The following FEN1 variants were observed in gnomAD, a reference collection of about 807,000 sequenced individuals.
FEN1 encodes flap endonuclease 1.
Under a neutral mutation model 24.7 loss-of-function variants are expected in FEN1, and 19 were observed. The observed-to-expected ratio is 0.77, with a 90% CI of 0.54 to 1.13. The LOEUF is 1.13. Ranked by LOEUF, FEN1 falls within the 50% of genes most tolerant of loss-of-function variation. The pLI is 0.00. For missense variants in FEN1, 339 were observed against 488.7 expected (o/e 0.69, Z 2.89); for synonymous variants, 155 against 189.2 (o/e 0.82, Z 1.48).
In FEN1 at chr11:61,795,288, C is replaced by G; in HGVS notation, c.-21-53C>G. The G allele has an allele frequency of 1.4e-6, 2 of 1,461,752 alleles. No individual in the cohort carries two copies. The highest frequency in any genetic ancestry group is 4.6e-5 in the East Asian group (2 of 43,464). 90.5% of individuals were successfully genotyped at this position (1,461,752 alleles called of 1,614,324 possible). A position where few individuals can be genotyped will look rare whatever the true frequency, so the allele number is the denominator to read the frequency against. ...AAGGCATGAAGTTGGTGAGATAACA[C>G]CAGTTATAACCTTTCTCCTTTCCTC... On this transcript the variant is annotated intron_variant, in intron 1 of 1. Coordinates refer to ENST00000305885, the MANE Select transcript of FEN1 (RefSeq NM_004111.6). This position sits in a 1 kb window ranked among gnomAD's most constrained non-coding sequence, Gnocchi z 4.1.
intron 1 of FEN1, chr11:61,793,272 T>G (rs1177910923): frequency 6.6e-6 from 1 of 152,556 alleles, no homozygotes; most frequent in African/African-American, 2.4e-5. Flanking sequence ...ACGAGAAACA[T>G]TTCTGACACT....
In FEN1 at chr11:61,797,026, G is replaced by C. The variant is rs2066824054; in HGVS notation, c.*522G>C. 1 of 171,372 alleles carries C rather than the reference G, an allele frequency of 5.8e-6. No individual in the cohort carries two copies. The highest frequency in any genetic ancestry group is 2.4e-5 in the African/African-American group (1 of 41,458). The allele number at this position is 171,372 out of a possible 1,614,324, so 10.6% of individuals were successfully genotyped here. On this transcript the variant is annotated 3_prime_UTR_variant, in exon 2 of 2. Transcript: ENST00000305885. ...AAAGCTGGAGCCCCTGGAGTTGGCTGTGTCTGTGTTTGTGACTGATTACTG... is the reference window on the plus strand; with the variant it reads ...AAAGCTGGAGCCCCTGGAGTTGGCTCTGTCTGTGTTTGTGACTGATTACTG...
chr11:61,796,551 TTG>T lies in FEN1; in HGVS notation c.*49_*50del. The T allele has an allele frequency of 1.3e-6, 2 of 1,513,926 alleles. No individual in the cohort carries two copies. Among genetic ancestry groups the T allele is most frequent in the Non-Finnish European group, 1.8e-6 (2 of 1,130,492 alleles). 93.8% of individuals were successfully genotyped at this position (1,513,926 alleles called of 1,614,324 possible). Reference sequence around the variant, plus strand: ...CCTTCACCCCAGAATATTTGCCGTCTTGTACCCTTAAGAGCTACAGCTAGAGA... The same window carrying T: ...CCTTCACCCCAGAATATTTGCCGTCTTACCCTTAAGAGCTACAGCTAGAGA... On this transcript the variant is annotated 3_prime_UTR_variant, in exon 2 of 2. Transcript: ENST00000305885.
Position 61,796,602 on chromosome 11 carries a change from A to T in FEN1, c.*98A>T. 7.5e-7 allele frequency: 1 copy of T among 1,334,514 alleles called. No homozygotes were observed. Among genetic ancestry groups the T allele is most frequent in the Non-Finnish European group, 1.0e-6 (1 of 993,758 alleles). The allele number at this position is 1,334,514 out of a possible 1,614,324, so 82.7% of individuals were successfully genotyped here. On this transcript the variant is annotated 3_prime_UTR_variant, in exon 2 of 2. Transcript: ENST00000305885. ...GAAACCTTCACGGGGTGGAGAGAGG[A>T]TTCTAAGGCTTTTCTAGCGTGACCC...
chr11:61,794,199 A>G (rs1442465905), intron 1 of FEN1, among the ~76,000 whole-genome samples: 1 of 152,008 alleles, frequency 6.6e-6, no homozygotes, highest in Non-Finnish European at 1.5e-5. Flanking sequence ...TTTTTTTGAG[A>G]CGGAGTCTCA....
intron 1 of FEN1, among the ~76,000 whole-genome samples, chr11:61,794,354 T>G (rs2066808164): frequency 1.3e-5 from 2 of 152,084 alleles, no homozygotes; most frequent in South Asian, 4.1e-4. Context: ...TTTTTTTTTT[T>G]TTTGTATTTT....
At chr11:61,793,477 C>T (rs1432303372) in intron 1 of FEN1, among the ~76,000 whole-genome samples, 2 of 152,152 alleles carry the variant, frequency 1.3e-5, no homozygotes, top group Non-Finnish European at 2.9e-5. Context: ...GGCAGCAGCC[C>T]TGAGAGACAG....
At chr11:61,794,144 G>A (rs2066806722) in intron 1 of FEN1, among the ~76,000 whole-genome samples, 2 of 152,104 alleles carry the variant, frequency 1.3e-5, no homozygotes. Flanking sequence ...ATATTTCTTG[G>A]AGTATTGGAC....
In FEN1 at chr11:61,795,298, CCTTT is replaced by C; in HGVS notation, c.-21-40_-21-37del. The C allele has an allele frequency of 1.3e-6, 2 of 1,516,032 alleles. No individual in the cohort carries two copies. Among genetic ancestry groups the C allele is most frequent in the Non-Finnish European group, 1.8e-6 (2 of 1,124,700 alleles). The allele number at this position is 1,516,032 out of a possible 1,614,324, so 93.9% of individuals were successfully genotyped here. On this transcript the variant is annotated intron_variant, in intron 1 of 1. Transcript: ENST00000305885. This position sits in a 1 kb window ranked among gnomAD's most constrained non-coding sequence, Gnocchi z 4.1. The stretch of plus-strand genomic sequence containing the variant: ...GTTGGTGAGATAACACCAGTTATAA[CCTTT>C]CTCCTTTCCTCCGTCTCTGACTTGC...
chr11:61,796,426 C>T lies in FEN1; in HGVS notation c.1065C>T (p.Arg355=). ...CCGGCTCACTCTCTTCAGCTAAGCG[C>T]AAGGAGCCAGAACCCAAGGGATCCA... The part of the protein sequence containing the change: ...KVTGSLSSAK[R]KEPEPKGSTK... Residue 355 remains arginine, a synonymous_variant, in exon 2 of 2, where the codon CGC becomes CGT. Coordinates refer to ENST00000305885, the MANE Select transcript of FEN1 (RefSeq NM_004111.6). The T allele has an allele frequency of 6.2e-7, 1 of 1,613,376 alleles. No individual in the cohort carries two copies. Among genetic ancestry groups the T allele is most frequent in the Non-Finnish European group, 8.5e-7 (1 of 1,180,030 alleles).
rs3218837 is a variant in FEN1, at chr11:61,794,752, T to G, written c.-21-589T>G. On this transcript the variant is annotated intron_variant, in intron 1 of 1. Coordinates refer to ENST00000305885, the MANE Select transcript of FEN1 (RefSeq NM_004111.6). The stretch of plus-strand genomic sequence containing the variant: ...GGCGAGAAAACGCAAAGGGAAAGAC[T>G]TGAAACTCTAGCAACATTATAATAA... 9.7e-3 allele frequency among the ~76,000 whole-genome samples: 1,482 copies of G among 152,286 alleles called. 20 individuals are homozygous for G. Among genetic ancestry groups the G allele is most frequent in the African/African-American group, 0.033 (1,377 of 41,566 alleles).
chr11:61,796,622 T>C lies in FEN1; in HGVS notation c.*118T>C. On this transcript the variant is annotated 3_prime_UTR_variant, in exon 2 of 2. Transcript: ENST00000305885. Reference sequence around the variant, plus strand: ...AGAGGATTCTAAGGCTTTTCTAGCGTGACCCTTTTCAGTAGTGCTAGTCCC... The same window carrying C: ...AGAGGATTCTAAGGCTTTTCTAGCGCGACCCTTTTCAGTAGTGCTAGTCCC... The C allele has an allele frequency of 8.5e-7, 1 of 1,170,858 alleles. No homozygotes were observed. The highest frequency in any genetic ancestry group is 1.2e-6 in the Non-Finnish European group (1 of 845,884). The allele number at this position is 1,170,858 out of a possible 1,614,324, so 72.5% of individuals were successfully genotyped here.
In FEN1 at chr11:61,796,662, T is replaced by G. The variant is rs2066822321; in HGVS notation, c.*158T>G. 5 of 818,750 alleles carry G rather than the reference T, an allele frequency of 6.1e-6. No homozygotes were observed. Among genetic ancestry groups the G allele is most frequent in the Non-Finnish European group, 9.4e-6 (5 of 529,786 alleles). 50.7% of individuals were successfully genotyped at this position (818,750 alleles called of 1,614,324 possible). A position where few individuals can be genotyped will look rare whatever the true frequency, so the allele number is the denominator to read the frequency against. ...GTGCTAGTCCCTTTTTTACTTGATC[T>G]TAATGGCAAGAAGGCCACAGAGGTA... On this transcript the variant is annotated 3_prime_UTR_variant, in exon 2 of 2. Transcript: ENST00000305885.
At chr11:61,794,746 A>G (rs1164803047) in intron 1 of FEN1, among the ~76,000 whole-genome samples, 1 of 152,188 alleles carries the variant, frequency 6.6e-6, no homozygotes, top group African/African-American at 2.4e-5. Context: ...ACGCAAAGGG[A>G]AAGACTTGAA....
At chr11:61,794,365 T>C (rs1158968118) in intron 1 of FEN1, among the ~76,000 whole-genome samples, 1 of 152,042 alleles carries the variant, frequency 6.6e-6, no homozygotes, top group Non-Finnish European at 1.5e-5. Context: ...TTTGTATTTT[T>C]AGTAGAGACA....
Position 61,795,300 on chromosome 11 carries a change from T to C in FEN1, c.-21-41T>C. On this transcript the variant is annotated intron_variant, in intron 1 of 1. Transcript: ENST00000305885. The surrounding 1 kb of genome is among the most constrained non-coding windows in gnomAD (Gnocchi z 4.1). ...TGGTGAGATAACACCAGTTATAACC[T>C]TTCTCCTTTCCTCCGTCTCTGACTT... The C allele has an allele frequency of 6.6e-7, 1 of 1,521,666 alleles. No homozygotes were observed. The highest frequency in any genetic ancestry group is 8.9e-7 in the Non-Finnish European group (1 of 1,129,232). 94.3% of individuals were successfully genotyped at this position (1,521,666 alleles called of 1,614,324 possible).
At position 61,796,438 on chromosome 11, in the gene FEN1, A is replaced by G. The variant is rs958305586; in HGVS notation, c.1077A>G (p.Glu359=). Residue 359 remains glutamate (E), a synonymous_variant, in exon 2 of 2, where the codon GAA becomes GAG. Transcript: ENST00000305885. Reference sequence around the variant, plus strand: ...CTTCAGCTAAGCGCAAGGAGCCAGAACCCAAGGGATCCACTAAGAAGAAGG... The same window carrying G: ...CTTCAGCTAAGCGCAAGGAGCCAGAGCCCAAGGGATCCACTAAGAAGAAGG... The part of the protein sequence containing the change: ...SLSSAKRKEP[E]PKGSTKKKAK... The G allele has an allele frequency of 1.2e-6, 2 of 1,613,248 alleles. No homozygotes were observed. Among genetic ancestry groups the G allele is most frequent in the African/African-American group, 2.7e-5 (2 of 75,032 alleles).
At position 61,795,281 on chromosome 11, in the gene FEN1, G is replaced by C; in HGVS notation, c.-21-60G>C. ...TTAGTTGAAGGCATGAAGTTGGTGA[G>C]ATAACACCAGTTATAACCTTTCTCC... On this transcript the variant is annotated intron_variant, in intron 1 of 1. Transcript: ENST00000305885. The surrounding 1 kb of genome is among the most constrained non-coding windows in gnomAD (Gnocchi z 4.1). 1.4e-6 allele frequency: 2 copies of C among 1,427,062 alleles called. No individual in the cohort carries two copies. The highest frequency in any genetic ancestry group is 9.5e-7 in the Non-Finnish European group (1 of 1,056,086). 88.4% of individuals were successfully genotyped at this position (1,427,062 alleles called of 1,614,324 possible). A position where few individuals can be genotyped will look rare whatever the true frequency, so the allele number is the denominator to read the frequency against.
In FEN1 at chr11:61,795,879, A is replaced by G. The variant is rs2066816595; in HGVS notation, c.518A>G (p.Tyr173Cys). The G allele has an allele frequency of 1.9e-6, 3 of 1,614,030 alleles. No homozygotes were observed. Among genetic ancestry groups the G allele is most frequent in the East Asian group, 2.2e-5 (1 of 44,884 alleles). ...CAALVKAGKV[Y>C]AAATEDMDCL... ...GCCCTGGTGAAGGCTGGCAAAGTCTATGCTGCGGCTACCGAGGACATGGAC... is the reference window on the plus strand; with the variant it reads ...GCCCTGGTGAAGGCTGGCAAAGTCTGTGCTGCGGCTACCGAGGACATGGAC... The change falls in exon 2 of 2, where the codon TAT becomes TGT. Residue 173 changes from tyrosine to cysteine, a missense_variant. Transcript: ENST00000305885. This position sits in a 1 kb window ranked among gnomAD's most constrained non-coding sequence, Gnocchi z 4.1.
Sources: allele counts gnomAD v4.1 joint callset (sites outside exome capture counted in the v4.1 genomes callset), GRCh38; gene constraint gnomAD v4.1.1; non-coding constraint Gnocchi (gnomAD v3.1); transcripts MANE v1.5; gene names NCBI Gene and HGNC (gene_info 2026-07-23, HGNC 2026-07-21).